The following CHRNA7 variants were observed in gnomAD, a reference collection of about 807,000 sequenced individuals.
CHRNA7 encodes neuronal acetylcholine receptor subunit alpha-7.
A neutral mutation model predicts 48.0 loss-of-function variants in CHRNA7; 17 were observed. The observed-to-expected ratio is 0.35, with a 90% confidence interval of 0.24 to 0.53. CHRNA7 has a LOEUF of 0.53. CHRNA7 is among the 20% of genes least tolerant of loss of function. CHRNA7 has a pLI of 0.92. For synonymous variants in CHRNA7, 75 were observed against 242.3 expected (o/e 0.31, Z 6.41); for missense variants, 155 against 577.7 (o/e 0.27, Z 7.50).
intron 4 of CHRNA7, among the ~76,000 whole-genome samples, chr15:32,125,409 C>T (rs971188796): frequency 1.3e-5 from 2 of 152,152 alleles, no homozygotes; most frequent in Non-Finnish European, 2.9e-5. Context: ...GCTCTCCTTC[C>T]CCTGCAGCTG....
intron 2 of CHRNA7, among the ~76,000 whole-genome samples, chr15:32,047,317 TC>T (rs1341787429): frequency 6.7e-6 from 1 of 150,090 alleles, no homozygotes; most frequent in Non-Finnish European, 1.5e-5. Context: ...AGAATGTTCT[TC>T]CATTTGTTTG....
intron 4 of CHRNA7, among the ~76,000 whole-genome samples, chr15:32,132,048 G>A (rs1485098452): frequency 2.6e-5 from 4 of 152,178 alleles, no homozygotes; most frequent in African/African-American, 9.6e-5. Context: ...TTGCAAGTAT[G>A]GGGAGGAGTG....
chr15:32,138,990 G>A (rs753077347), intron 4 of CHRNA7, among the ~76,000 whole-genome samples: 24 of 152,138 alleles, frequency 1.6e-4, no homozygotes, highest in Non-Finnish European at 2.9e-4. Flanking sequence ...CTGACCTCGG[G>A]TGATCCACCT....
At chr15:32,130,070 G>A (rs2051130110) in intron 4 of CHRNA7, among the ~76,000 whole-genome samples, 1 of 151,994 alleles carries the variant, frequency 6.6e-6, no homozygotes, top group Non-Finnish European at 1.5e-5. Context: ...ATCACACTTT[G>A]TGTGGTTTCA....
chr15:32,071,279 A>G (rs2050053560), intron 2 of CHRNA7, among the ~76,000 whole-genome samples: 1 of 152,102 alleles, frequency 6.6e-6, no homozygotes, highest in South Asian at 2.1e-4. Context: ...TTCCATATAC[A>G]TTTTAGAACT....
At chr15:32,077,285 T>C (rs920103593) in intron 2 of CHRNA7, among the ~76,000 whole-genome samples, 7 of 152,212 alleles carry the variant, frequency 4.6e-5, no homozygotes, top group African/African-American at 1.4e-4. Context: ...TGTGGACATA[T>C]GTTTTCAAAT....
intron 2 of CHRNA7, among the ~76,000 whole-genome samples, chr15:32,075,101 A>G (rs529014774): frequency 2.0e-5 from 3 of 152,316 alleles, no homozygotes; most frequent in Non-Finnish European, 4.4e-5. Context: ...ATTTTTTTGT[A>G]TATATTGCTG....
intron 2 of CHRNA7, among the ~76,000 whole-genome samples, chr15:32,057,426 C>G (rs1221404302): frequency 6.6e-6 from 1 of 152,000 alleles, no homozygotes; most frequent in Non-Finnish European, 1.5e-5. Flanking sequence ...AAATCAAAAG[C>G]CTTCTACACT....
chr15:32,031,397 T>TG (rs1471854655), intron 2 of CHRNA7, among the ~76,000 whole-genome samples: 1 of 152,220 alleles, frequency 6.6e-6, no homozygotes, highest in East Asian at 1.9e-4. Flanking sequence ...GTGTAAGTGT[T>TG]GACTTGCATT....
intron 2 of CHRNA7, among the ~76,000 whole-genome samples, chr15:32,096,561 G>T (rs577543120): frequency 6.6e-6 from 1 of 151,246 alleles, no homozygotes; most frequent in Non-Finnish European, 1.5e-5. Context: ...TATTTTCTCT[G>T]CAAACAAGAA....
At chr15:32,047,680 T>C (rs1338776172) in intron 2 of CHRNA7, among the ~76,000 whole-genome samples, 1 of 152,174 alleles carries the variant, frequency 6.6e-6, no homozygotes, top group African/African-American at 2.4e-5. Context: ...TCCTGCCTGA[T>C]TGCTCCGGCC....
rs2051569699 is a variant in CHRNA7, at chr15:32,149,371, G to A, written c.351-4536G>A. On this transcript the variant is annotated intron_variant, in intron 4 of 9. Transcript: ENST00000306901. This position sits in a 1 kb window ranked among gnomAD's most constrained non-coding sequence, Gnocchi z 4.6. ...CTGGCATCTGTCGGGCATCCCCGGG[G>A]AAGCTGCGCCGGTGCTGTGGCCACT... Among the ~76,000 whole-genome samples, 1 of 152,144 alleles carries A rather than the reference G, an allele frequency of 6.6e-6. No homozygotes were observed.
chr15:32,111,654 T>C, intron 3 of CHRNA7, 136 bp from the exon 4 acceptor site: 2 of 583,328 alleles, frequency 3.4e-6, no homozygotes, highest in Non-Finnish European at 3.1e-6. Context: ...CCATTTTCAT[T>C]ATATTTTATA....
At chr15:32,050,661 C>T (rs948864070) in intron 2 of CHRNA7, among the ~76,000 whole-genome samples, 1 of 152,218 alleles carries the variant, frequency 6.6e-6, no homozygotes, top group African/African-American at 2.4e-5. Context: ...AAGTCATTCT[C>T]CATCCAGCTT....
At chr15:32,144,425 G>A (rs529938108) in intron 4 of CHRNA7, among the ~76,000 whole-genome samples, 5 of 152,104 alleles carry the variant, frequency 3.3e-5, no homozygotes, top group African/African-American at 1.2e-4. Context: ...GTAGCTTTGT[G>A]GTGTTCTCTG....
chr15:32,092,092 T>C (rs191043167), intron 2 of CHRNA7, among the ~76,000 whole-genome samples: 1 of 152,340 alleles, frequency 6.6e-6, no homozygotes, highest in East Asian at 1.9e-4. Context: ...ACTTCTGTAA[T>C]GGATGTAATC....
intron 2 of CHRNA7, among the ~76,000 whole-genome samples, chr15:32,084,919 G>A (rs904485850): frequency 2.8e-4 from 43 of 151,110 alleles, no homozygotes; most frequent in Non-Finnish European, 5.2e-4. Flanking sequence ...TGCAACCTCC[G>A]CGTCCTGGGT....
intron 2 of CHRNA7, among the ~76,000 whole-genome samples, chr15:32,075,885 T>C (rs1361418391): frequency 6.6e-6 from 1 of 152,096 alleles, no homozygotes; most frequent in East Asian, 1.9e-4. Context: ...AATTTTAATA[T>C]GTTGTATTTT....
chr15:32,063,525 G>A (rs2049914232), intron 2 of CHRNA7, among the ~76,000 whole-genome samples: 1 of 152,202 alleles, frequency 6.6e-6, no homozygotes, highest in African/African-American at 2.4e-5. Flanking sequence ...ATACATTGAT[G>A]TGTTCACCAA....
Sources: gnomAD v4.1 joint callset for allele counts (sites outside exome capture counted in the v4.1 genomes callset) on GRCh38, gnomAD v4.1.1 for gene constraint, Gnocchi (gnomAD v3.1) non-coding constraint, MANE v1.5 for transcripts, NCBI Gene and HGNC (gene_info 2026-07-23, HGNC 2026-07-21) for gene names.